EXOC6B: variants seen among roughly 807,000 people sequenced by gnomAD.
EXOC6B encodes the protein SEC15 homolog B.
Under a neutral mutation model 113.5 loss-of-function variants are expected in EXOC6B, and 54 were observed. The observed-to-expected ratio is 0.48, with a 90% CI of 0.38 to 0.60. The LOEUF (loss-of-function observed/expected upper bound fraction) is 0.60. Among genes scored for constraint, EXOC6B ranks in the 20% least tolerant of loss-of-function variants. The pLI, the probability that EXOC6B is intolerant of heterozygous loss-of-function variation, is 0.00. For missense variants in EXOC6B, 797 were observed against 977.5 expected (o/e 0.82, Z 2.46); for synonymous variants, 357 against 339.0 (o/e 1.05, Z -0.58).
intron 6 of EXOC6B, among the ~76,000 whole-genome samples, chr2:72,645,591 C>T (rs1165440714): frequency 6.6e-6 from 1 of 152,186 alleles, no homozygotes; most frequent in African/African-American, 2.4e-5. Context: ...AAAAAACTGT[C>T]TTTCAGACCA....
chr2:72,673,396 T>C (rs545764521), intron 6 of EXOC6B, among the ~76,000 whole-genome samples: 1 of 152,338 alleles, frequency 6.6e-6, no homozygotes, highest in African/African-American at 2.4e-5. Flanking sequence ...TGCCTACAAC[T>C]CTGGCTAGCC....
intron 18 of EXOC6B, among the ~76,000 whole-genome samples, chr2:72,387,567 A>G (rs903727383): frequency 6.6e-6 from 1 of 152,058 alleles, no homozygotes; most frequent in Non-Finnish European, 1.5e-5. Context: ...TGTGTCTTTT[A>G]TAAATGTATA....
At chr2:72,705,821 A>G (rs1678826329) in intron 6 of EXOC6B, among the ~76,000 whole-genome samples, 1 of 152,198 alleles carries the variant, frequency 6.6e-6, no homozygotes, top group South Asian at 2.1e-4. Context: ...GTTTTGGGTT[A>G]TGCGCTCATT....
chr2:72,435,769 ATTTATTTTC>A (rs1315272895), intron 18 of EXOC6B, among the ~76,000 whole-genome samples: 1 of 147,012 alleles, frequency 6.8e-6, no homozygotes, highest in African/African-American at 2.5e-5. Context: ...TCCTCCATCC[ATTTATTTTC>A]AGCCTATGTT....
intron 20 of EXOC6B, among the ~76,000 whole-genome samples, chr2:72,258,116 C>A (rs938821799): frequency 3.9e-5 from 6 of 152,114 alleles, no homozygotes; most frequent in Non-Finnish European, 8.8e-5. Context: ...AATGGTCCAC[C>A]ATTCTCGCAA....
intron 6 of EXOC6B, among the ~76,000 whole-genome samples, chr2:72,594,324 C>T (rs375086020): frequency 6.6e-6 from 1 of 152,092 alleles, no homozygotes; most frequent in African/African-American, 2.4e-5. Context: ...CAATGCCACA[C>T]AGCAACTTCA....
chr2:72,793,574 A>G (rs1684793346), intron 1 of EXOC6B, among the ~76,000 whole-genome samples: 1 of 152,204 alleles, frequency 6.6e-6, no homozygotes, highest in Non-Finnish European at 1.5e-5. Flanking sequence ...TAAACGACTG[A>G]ACTAGCTGGA....
At chr2:72,602,026 G>A (rs1324682244) in intron 6 of EXOC6B, among the ~76,000 whole-genome samples, 2 of 152,142 alleles carry the variant, frequency 1.3e-5, no homozygotes, top group Non-Finnish European at 1.5e-5. Context: ...AAAGGAGGAG[G>A]AATGAATGAG....
rs925589677 is a variant in EXOC6B at position 72,459,874 on chromosome 2, C to T, written c.1980+5286G>A. Among the ~76,000 whole-genome samples the T allele has an allele frequency of 3.5e-4, 53 of 152,078 alleles. 1 individual carries two copies. Among genetic ancestry groups the T allele is most frequent in the African/African-American group, 1.2e-3 (51 of 41,398 alleles). The stretch of plus-strand genomic sequence containing the variant: ...AAACTACTGTAAAGTTCATATGGAA[C>T]CAAAAAAGAGCCCACATCGCCAAGT... On this transcript the variant is annotated intron_variant, in intron 18 of 21. Coordinates refer to ENST00000272427, the MANE Select transcript of EXOC6B (RefSeq NM_015189.3).
At chr2:72,646,220 A>T (rs1235832882) in intron 6 of EXOC6B, among the ~76,000 whole-genome samples, 1 of 152,182 alleles carries the variant, frequency 6.6e-6, no homozygotes, top group Admixed American at 6.5e-5. Context: ...CTCGACACAT[A>T]CACACTCCCA....
At chr2:72,740,944 T>C (rs1168040897) in intron 2 of EXOC6B, among the ~76,000 whole-genome samples, 1 of 150,998 alleles carries the variant, frequency 6.6e-6, no homozygotes, top group Admixed American at 6.6e-5. Context: ...CTACTAAAAG[T>C]ACAAAAAAAA....
intron 6 of EXOC6B, among the ~76,000 whole-genome samples, chr2:72,714,741 T>G (rs1407029189): frequency 1.3e-5 from 2 of 152,138 alleles, no homozygotes; most frequent in South Asian, 2.1e-4. Context: ...ATCACCTCAA[T>G]GTAAGGCCAT....
intron 17 of EXOC6B, among the ~76,000 whole-genome samples, chr2:72,468,051 G>A (rs529626974): frequency 1.3e-4 from 20 of 152,158 alleles, no homozygotes; most frequent in South Asian, 2.1e-4. Flanking sequence ...GATTACAGGC[G>A]TGAGCCACCA....
chr2:72,410,711 C>T (rs572816998), intron 18 of EXOC6B, among the ~76,000 whole-genome samples: 26 of 152,020 alleles, frequency 1.7e-4, no homozygotes, highest in Non-Finnish European at 2.8e-4. Context: ...TTTAATTTTA[C>T]TTATATTGGT....
chr2:72,578,500 A>C (rs538129161), intron 6 of EXOC6B, among the ~76,000 whole-genome samples: 62 of 152,100 alleles, frequency 4.1e-4, no homozygotes, highest in African/African-American at 1.4e-3. Flanking sequence ...CCTCAATCTA[A>C]CCCTTCCTAC....
In EXOC6B at chr2:72,496,528, T is replaced by C. The variant is rs1213808137; in HGVS notation, c.1369A>G (p.Ile457Val). 6.3e-7 allele frequency: 1 copy of C among 1,596,422 alleles called. No individual in the cohort carries two copies. Among genetic ancestry groups the C allele is most frequent in the Non-Finnish European group, 8.6e-7 (1 of 1,169,114 alleles). ...TACATCTCTTCACTTGTTACTGGTA[T>C]AGGACTGTAGTTGTCAGAATCAAGT... is the stretch of plus-strand genomic sequence containing the variant. ...NILDSDNYSP[I>V]PVTSEEMYKK... Residue 457 changes from isoleucine (I) to valine (V), a missense_variant, in exon 14 of 22, where the codon ATA becomes GTA. By Grantham distance (29) the Ile-to-Val change is conservative. Transcript: ENST00000272427.
At chr2:72,452,505 T>C (rs1363078536) in intron 18 of EXOC6B, among the ~76,000 whole-genome samples, 1 of 151,948 alleles carries the variant, frequency 6.6e-6, no homozygotes, top group Non-Finnish European at 1.5e-5. Flanking sequence ...GGGGTATGAA[T>C]TGTGGGAAAA....
At chr2:72,444,787 A>AG (rs946113166) in intron 18 of EXOC6B, among the ~76,000 whole-genome samples, 18 of 152,190 alleles carry the variant, frequency 1.2e-4, no homozygotes, top group African/African-American at 4.1e-4. Context: ...ACCACAGCAC[A>AG]GGGACCTTGG....
At chr2:72,737,403 T>C (rs1391161549) in intron 2 of EXOC6B, among the ~76,000 whole-genome samples, 1 of 152,078 alleles carries the variant, frequency 6.6e-6, no homozygotes, top group South Asian at 2.1e-4. Flanking sequence ...ACTTTTTTAA[T>C]AGATGTAGAA....
Sources: gnomAD v4.1 joint callset for allele counts (sites outside exome capture counted in the v4.1 genomes callset) on GRCh38, gnomAD v4.1.1 for gene constraint, MANE v1.5 for transcripts, NCBI Gene and HGNC (gene_info 2026-07-23, HGNC 2026-07-21) for gene names.